Variants in METTL15 observed in about 807,000 individuals in gnomAD.
METTL15 encodes the protein 12S rRNA N(4)-cytidine methyltransferase METTL15.
In METTL15, 34 loss-of-function variants were observed where a neutral mutation model predicts 38.3. The observed-to-expected ratio is 0.89, with a 90% confidence interval of 0.68 to 1.18. The LOEUF (loss-of-function observed/expected upper bound fraction) is 1.18, where lower values mean the gene tolerates loss of function less well. Ranked by LOEUF, METTL15 falls within the 50% of genes most tolerant of loss-of-function variation. The pLI is 0.00. For synonymous variants in METTL15, 162 were observed against 170.9 expected (o/e 0.95, Z 0.41); for missense variants, 438 against 498.4 (o/e 0.88, Z 1.15).
At chr11:28,456,449 T>C (rs1209058700) in intron 6 of METTL15, among the ~76,000 whole-genome samples, 1 of 151,940 alleles carries the variant, frequency 6.6e-6, no homozygotes, top group Non-Finnish European at 1.5e-5. Flanking sequence ...TTGTTTGTTT[T>C]GTTTTGTTTT....
intron 5 of METTL15, among the ~76,000 whole-genome samples, chr11:28,381,472 C>T (rs1850383403): frequency 6.6e-6 from 1 of 152,090 alleles, no homozygotes; most frequent in Non-Finnish European, 1.5e-5. Context: ...TCAACTCTTT[C>T]TTGTACACAA....
intron 5 of METTL15, among the ~76,000 whole-genome samples, chr11:28,291,406 C>T (rs1856508616): frequency 6.6e-6 from 1 of 152,086 alleles, no homozygotes; most frequent in Admixed American, 6.6e-5. Context: ...GGACCTGTGT[C>T]TATTCTCAGT....
chr11:28,257,548 A>T (rs7924896), intron 4 of METTL15, among the ~76,000 whole-genome samples: 80,953 of 151,990 alleles, frequency 0.53, 23,004 homozygotes, highest in African/African-American at 0.73. Flanking sequence ...TGGGGCTATT[A>T]TCTACATCCT....
At chr11:28,468,594 C>T (rs1851277075) in intron 6 of METTL15, among the ~76,000 whole-genome samples, 1 of 152,108 alleles carries the variant, frequency 6.6e-6, no homozygotes. Context: ...ATAATATATA[C>T]AGTCATAAAT....
intron 6 of METTL15, among the ~76,000 whole-genome samples, chr11:28,445,939 C>T (rs1319481739): frequency 6.6e-6 from 1 of 152,122 alleles, no homozygotes; most frequent in Non-Finnish European, 1.5e-5. Context: ...GCTTGAACCC[C>T]CGTGCCTGGC....
intron 4 of METTL15, among the ~76,000 whole-genome samples, chr11:28,286,561 A>G (rs893961157): frequency 1.2e-4 from 18 of 152,122 alleles, no homozygotes; most frequent in Admixed American, 3.9e-4. Context: ...CTTGCTTGAC[A>G]TAGGGGAGTA....
chr11:28,446,560 C>T (rs1354234490), intron 6 of METTL15, among the ~76,000 whole-genome samples: 1 of 152,074 alleles, frequency 6.6e-6, no homozygotes, highest in African/African-American at 2.4e-5. Context: ...AAACCTTACA[C>T]ATACAGGGTA....
chr11:28,390,889 T>C (rs888707338), intron 5 of METTL15, among the ~76,000 whole-genome samples: 1 of 152,180 alleles, frequency 6.6e-6, no homozygotes, highest in Admixed American at 6.6e-5. Context: ...TTTGTTTGTA[T>C]CCTGTTTTAT....
intron 4 of METTL15, among the ~76,000 whole-genome samples, chr11:28,244,699 C>G (rs1196126296): frequency 6.6e-6 from 1 of 152,114 alleles, no homozygotes; most frequent in Non-Finnish European, 1.5e-5. Flanking sequence ...TATTCTGGGA[C>G]AAAGGTATAC....
chr11:28,522,261 C>T (rs776231538), intron 6 of METTL15, among the ~76,000 whole-genome samples: 12 of 152,024 alleles, frequency 7.9e-5, no homozygotes, highest in African/African-American at 1.7e-4. Context: ...AAAACTGAAC[C>T]GGTGGGATGT....
At chr11:28,114,412 C>G (rs1472157953) in intron 3 of METTL15, among the ~76,000 whole-genome samples, 6 of 152,214 alleles carry the variant, frequency 3.9e-5, no homozygotes. Flanking sequence ...TGCTTTGTGG[C>G]TATTGTGAAT....
chr11:28,250,322 T>C (rs565195632), intron 4 of METTL15, among the ~76,000 whole-genome samples: 200 of 152,224 alleles, frequency 1.3e-3, no homozygotes, highest in African/African-American at 4.7e-3. Flanking sequence ...ATGGCTAAAC[T>C]AATTTACATT....
At chr11:28,529,164 G>T (rs1851830458), downstream of METTL15, among the ~76,000 whole-genome samples, 1 of 152,108 alleles carries the variant, frequency 6.6e-6, no homozygotes, top group African/African-American at 2.4e-5. Context: ...CACTAATGAG[G>T]TATACGACAT....
At chr11:28,426,154 T>A (rs1850861979) in intron 6 of METTL15, among the ~76,000 whole-genome samples, 1 of 152,162 alleles carries the variant, frequency 6.6e-6, no homozygotes. Flanking sequence ...TATTTCCATG[T>A]GTTCTCATAG....
At chr11:28,275,212 C>A (rs1356937079) in intron 4 of METTL15, among the ~76,000 whole-genome samples, 3 of 151,148 alleles carry the variant, frequency 2.0e-5, no homozygotes, top group Non-Finnish European at 4.4e-5. Context: ...AATTGATAAG[C>A]CACTAGTTCG....
At chr11:28,426,894 G>C (rs1442153193) in intron 6 of METTL15, among the ~76,000 whole-genome samples, 3 of 151,962 alleles carry the variant, frequency 2.0e-5, no homozygotes, top group Non-Finnish European at 4.4e-5. Flanking sequence ...TAGGTTGACA[G>C]TTCACTCTGA....
intron 6 of METTL15, among the ~76,000 whole-genome samples, chr11:28,512,848 T>C (rs986499246): frequency 2.6e-5 from 4 of 152,210 alleles, no homozygotes; most frequent in Non-Finnish European, 5.9e-5. Context: ...GAGGAGGCAC[T>C]GAGAACGAGC....
intron 5 of METTL15, among the ~76,000 whole-genome samples, chr11:28,389,079 C>T (rs1029795065): frequency 5.3e-5 from 8 of 151,906 alleles, no homozygotes; most frequent in African/African-American, 1.7e-4. Flanking sequence ...TCCAGTCTAT[C>T]GTTGTAGGAT....
At chr11:28,485,286 T>A (rs1851429503) in intron 6 of METTL15, among the ~76,000 whole-genome samples, 1 of 152,186 alleles carries the variant, frequency 6.6e-6, no homozygotes, top group Non-Finnish European at 1.5e-5. Context: ...AATGTCAGGA[T>A]GCTGGATATA....
Sources: allele counts gnomAD v4.1 joint callset (sites outside exome capture counted in the v4.1 genomes callset), GRCh38; gene constraint gnomAD v4.1.1; transcripts MANE v1.5; gene names NCBI Gene and HGNC (gene_info 2026-07-23, HGNC 2026-07-21).